The following SRL variants were observed in gnomAD, a reference collection of about 807,000 sequenced individuals.
The protein encoded by SRL is sarcalumenin.
SRL carries 23 observed loss-of-function variants against 39.5 expected under a neutral mutation model. That is an observed-to-expected ratio of 0.58 (90% confidence interval 0.42 to 0.82). The LOEUF (loss-of-function observed/expected upper bound fraction) is 0.82. Among genes scored for constraint, SRL ranks in the 40% least tolerant of loss-of-function variants. SRL has a pLI of 0.00. For missense variants in SRL, 592 were observed against 607.8 expected (o/e 0.97, Z 0.27); for synonymous variants, 272 against 237.4 (o/e 1.15, Z -1.34).
At chr16:4,214,607 T>C (rs145037092) in intron 1 of SRL, among the ~76,000 whole-genome samples, 3 of 152,190 alleles carry the variant, frequency 2.0e-5, no homozygotes, top group Non-Finnish European at 2.9e-5. Context: ...ACAGAGTTCA[T>C]GCCGCAGAGC....
At chr16:4,214,770 C>CTT (rs766418227) in intron 1 of SRL, among the ~76,000 whole-genome samples, 9 of 141,098 alleles carry the variant, frequency 6.4e-5, no homozygotes, top group Middle Eastern at 3.8e-3. Flanking sequence ...TGCTCTTCCA[C>CTT]TTTTTTTTTT....
intron 1 of SRL, among the ~76,000 whole-genome samples, chr16:4,230,990 G>C (rs995197282): frequency 5.9e-5 from 9 of 152,154 alleles, no homozygotes; most frequent in Admixed American, 1.3e-4. Context: ...CTTGATTTCA[G>C]ACTTTTGGGC....
chr16:4,228,507 G>T (rs553388196), intron 1 of SRL, among the ~76,000 whole-genome samples: 27 of 152,092 alleles, frequency 1.8e-4, no homozygotes, highest in Admixed American at 1.6e-3. Context: ...AGGCCGAGGC[G>T]GGCGGATCAC....
intron 1 of SRL, among the ~76,000 whole-genome samples, chr16:4,205,818 G>A (rs1055091747): frequency 6.6e-6 from 1 of 151,996 alleles, no homozygotes; most frequent in African/African-American, 2.4e-5. Flanking sequence ...CATGCCTGTA[G>A]TCCCAGCTAC....
At chr16:4,206,344 C>T (rs964080515) in intron 1 of SRL, among the ~76,000 whole-genome samples, 1 of 152,194 alleles carries the variant, frequency 6.6e-6, no homozygotes, top group Non-Finnish European at 1.5e-5. Context: ...AGGGAATCAC[C>T]AGGGAAGTTC....
chr16:4,197,421 C>CTTCTTT (rs71394661), intron 4 of SRL, among the ~76,000 whole-genome samples: 1,715 of 107,554 alleles, frequency 0.016, 73 homozygotes, highest in African/African-American at 0.061. Context: ...CTTTTCTTTC[C>CTTCTTT]TTTTTTTTTT....
chr16:4,193,647 A>G (rs1212040032), intron 5 of SRL, among the ~76,000 whole-genome samples: 1 of 152,200 alleles, frequency 6.6e-6, no homozygotes, highest in Non-Finnish European at 1.5e-5. Context: ...TGATATAAAG[A>G]TTACCATGTT....
In SRL at chr16:4,199,642, A is replaced by G. The variant is rs569459202; in HGVS notation, c.260-1727T>C. Reference sequence around the variant, plus strand: ...CACCTTGGCCTCCCAAAGTGCTTCTATTGCAGGCATGAGCCCGGCACCCAG... The same window carrying G: ...CACCTTGGCCTCCCAAAGTGCTTCTGTTGCAGGCATGAGCCCGGCACCCAG... On this transcript the variant is annotated intron_variant, in intron 3 of 5. Transcript: ENST00000399609. Among the ~76,000 whole-genome samples the G allele has an allele frequency of 1.4e-3, 196 of 139,522 alleles. 3 individuals are homozygous for G. The highest frequency in any genetic ancestry group is 2.2e-3 in the Non-Finnish European group (142 of 65,200). 91.5% of individuals were successfully genotyped at this position (139,522 alleles called of 152,430 possible).
In SRL at chr16:4,191,820, T is replaced by C. The variant is rs562367011; in HGVS notation, c.*333A>G. On this transcript the variant is annotated 3_prime_UTR_variant, in exon 6 of 6. Coordinates refer to ENST00000399609, the MANE Select transcript of SRL (RefSeq NM_001098814.2). Reference sequence around the variant, plus strand: ...GGAACAAAGGAATTTCAGCTGCTTTTAGCTTATTTGACCCTCACTGATTTA... The same window carrying C: ...GGAACAAAGGAATTTCAGCTGCTTTCAGCTTATTTGACCCTCACTGATTTA... 1.0e-4 allele frequency: 25 copies of C among 238,668 alleles called. No individual in the cohort carries two copies. The South Asian group carries it at 3.5e-3, about 34-fold the overall frequency. The allele number at this position is 238,668 out of a possible 1,614,324, so 14.8% of individuals were successfully genotyped here. A position where few individuals can be genotyped will look rare whatever the true frequency, so the allele number is the denominator to read the frequency against.
intron 5 of SRL, among the ~76,000 whole-genome samples, chr16:4,194,158 C>T (rs561556216): frequency 4.6e-5 from 7 of 152,332 alleles, no homozygotes; most frequent in African/African-American, 1.7e-4. Context: ...TCCATAGCCA[C>T]ATGCCTGGTG....
At chr16:4,240,142 A>G (rs2052757211) in intron 1 of SRL, among the ~76,000 whole-genome samples, 1 of 152,212 alleles carries the variant, frequency 6.6e-6, no homozygotes, top group South Asian at 2.1e-4. Flanking sequence ...TAGGAAGCAG[A>G]TGGGAGTGGT....
chr16:4,203,257 C>T lies in SRL; in HGVS notation c.168G>A (p.Val56=). 6.2e-7 allele frequency: 1 copy of T among 1,614,050 alleles called. No homozygotes were observed. The part of the protein sequence containing the change: ...EDKPSDDYSA[V]LQRLRKIYHS... ...GGTAGATCTTCCGAAGCCGCTGCAGCACCGCTGGAGACAGAGAGGGCCGGG... is the reference window on the plus strand; with the variant it reads ...GGTAGATCTTCCGAAGCCGCTGCAGTACCGCTGGAGACAGAGAGGGCCGGG... Residue 56 remains valine, a synonymous_variant, in exon 3 of 6, where the codon GTG becomes GTA. Transcript: ENST00000399609.
rs1188518957 is a variant in SRL at position 4,190,593 on chromosome 16, C to T, written c.*1560G>A. ...GCATGCTAGCCTTGCAAGACTGTTACAAGTTCTCTACTCCCTAGAGTCTAT... is the reference window on the plus strand; with the variant it reads ...GCATGCTAGCCTTGCAAGACTGTTATAAGTTCTCTACTCCCTAGAGTCTAT... On this transcript the variant is annotated 3_prime_UTR_variant, in exon 6 of 6. Transcript: ENST00000399609. 5.0e-6 allele frequency: 2 copies of T among 397,748 alleles called. No homozygotes were observed. The highest frequency in any genetic ancestry group is 4.4e-6 in the Non-Finnish European group (1 of 226,074). The allele number at this position is 397,748 out of a possible 1,614,324, so 24.6% of individuals were successfully genotyped here.
At position 4,207,640 on chromosome 16, in the gene SRL, G is replaced by A. The variant is rs201805957; in HGVS notation, c.62-3006C>T. The A allele has an allele frequency of 4.9e-3, 2,164 of 439,336 alleles. 63 individuals carry two copies. The highest frequency in any genetic ancestry group is 0.034 in the South Asian group (2,092 of 61,672). 27.2% of individuals were successfully genotyped at this position (439,336 alleles called of 1,614,324 possible). A position where few individuals can be genotyped will look rare whatever the true frequency, so the allele number is the denominator to read the frequency against. On this transcript the variant is annotated intron_variant, in intron 1 of 5. Transcript: ENST00000399609. ...TCGGGGAGTTCATGGCCCCCAGCCT[G>A]TCCTCCTGCCTCTCCACTGGCAGTT...
intron 1 of SRL, among the ~76,000 whole-genome samples, chr16:4,228,700 A>G (rs1397585744): frequency 6.6e-6 from 1 of 151,864 alleles, no homozygotes; most frequent in Non-Finnish European, 1.5e-5. Flanking sequence ...ATGCCACTGC[A>G]CTCCAGCCTG....
chr16:4,237,475 GACTA>G (rs1317402039), intron 1 of SRL, among the ~76,000 whole-genome samples: 1 of 152,082 alleles, frequency 6.6e-6, no homozygotes, highest in Non-Finnish European at 1.5e-5. Context: ...TGGCATGGCT[GACTA>G]ATCAGTCTCC....
At chr16:4,215,791 A>G (rs1387068249) in intron 1 of SRL, among the ~76,000 whole-genome samples, 1 of 152,164 alleles carries the variant, frequency 6.6e-6, no homozygotes, top group African/African-American at 2.4e-5. Flanking sequence ...AGAGCCCAGG[A>G]GTTTGAAACC....
intron 1 of SRL, among the ~76,000 whole-genome samples, chr16:4,221,513 C>T (rs907357996): frequency 1.1e-4 from 17 of 152,154 alleles, no homozygotes; most frequent in Non-Finnish European, 1.9e-4. Flanking sequence ...TGACCCTCCC[C>T]GGTCAACACT....
chr16:4,224,643 G>A (rs545278249), intron 1 of SRL, among the ~76,000 whole-genome samples: 5 of 152,010 alleles, frequency 3.3e-5, no homozygotes, highest in South Asian at 2.1e-4. Flanking sequence ...CCCAGGAGAC[G>A]GAGTTTGCAG....
Sources: allele counts gnomAD v4.1 joint callset (sites outside exome capture counted in the v4.1 genomes callset), GRCh38; gene constraint gnomAD v4.1.1; transcripts MANE v1.5; gene names NCBI Gene and HGNC (gene_info 2026-07-23, HGNC 2026-07-21).